Variants in PPM1H observed in about 807,000 individuals in gnomAD.
The protein encoded by PPM1H is protein phosphatase 1H.
A neutral mutation model predicts 54.9 loss-of-function variants in PPM1H; 27 were observed. The observed-to-expected ratio is 0.49, with a 90% confidence interval of 0.36 to 0.68. The LOEUF (loss-of-function observed/expected upper bound fraction) is 0.68. PPM1H is among the 30% of genes least tolerant of loss of function. The pLI, the probability that PPM1H is intolerant of heterozygous loss-of-function variation, is 0.00. For synonymous variants in PPM1H, 305 were observed against 270.8 expected, an observed-to-expected ratio of 1.13 and a Z score of -1.24; for missense variants, 596 against 667.8, an observed-to-expected ratio of 0.89 and a Z score of 1.19.
chr12:62,896,196 C>T (rs1260162793), intron 1 of PPM1H, among the ~76,000 whole-genome samples: 8 of 152,176 alleles, frequency 5.3e-5, no homozygotes, highest in Non-Finnish European at 1.2e-4. Flanking sequence ...TGGGCAAGGA[C>T]TTCATGACTA....
chr12:62,788,562 T>TAGA, intron 3 of PPM1H: 1 of 423,586 alleles, frequency 2.4e-6, no homozygotes, highest in Non-Finnish European at 4.2e-6. Flanking sequence ...CAGGAAACAA[T>TAGA]AGACAGCAAA....
intron 1 of PPM1H, among the ~76,000 whole-genome samples, chr12:62,918,737 A>G (rs558633842): frequency 1.3e-5 from 2 of 152,370 alleles, no homozygotes; most frequent in East Asian, 1.9e-4. Context: ...TGTTACAACC[A>G]TAAATAGAAT....
At chr12:62,833,665 T>C (rs1014677879) in intron 1 of PPM1H, among the ~76,000 whole-genome samples, 9 of 152,204 alleles carry the variant, frequency 5.9e-5, no homozygotes, top group African/African-American at 1.7e-4. Context: ...TGCCGCAAGA[T>C]GTAAGCGAGC....
intron 1 of PPM1H, among the ~76,000 whole-genome samples, chr12:62,847,973 T>A (rs1001744112): frequency 6.6e-6 from 1 of 152,174 alleles, no homozygotes. Context: ...TTAAAATAGA[T>A]CTCATTGTTC....
At chr12:62,875,943 T>C (rs1870153852) in intron 1 of PPM1H, among the ~76,000 whole-genome samples, 1 of 152,190 alleles carries the variant, frequency 6.6e-6, no homozygotes, top group African/African-American at 2.4e-5. Context: ...ACTGTTCTAA[T>C]AATGAGCATG....
At chr12:62,899,613 C>T (rs1871096901) in intron 1 of PPM1H, among the ~76,000 whole-genome samples, 1 of 152,126 alleles carries the variant, frequency 6.6e-6, no homozygotes, top group Non-Finnish European at 1.5e-5. Flanking sequence ...TAACTAACAG[C>T]AGAGAACCGC....
chr12:62,664,244 G>A (rs527359742), intron 9 of PPM1H, among the ~76,000 whole-genome samples: 1 of 152,184 alleles, frequency 6.6e-6, no homozygotes, highest in Admixed American at 6.5e-5. Context: ...GCAGGTCAGA[G>A]GTGAATGGAG....
chr12:62,726,526 G>A (rs1002738232), intron 5 of PPM1H, among the ~76,000 whole-genome samples: 1 of 152,130 alleles, frequency 6.6e-6, no homozygotes, highest in African/African-American at 2.4e-5. Flanking sequence ...AGACTGCTGA[G>A]AAGAGCGTTA....
At chr12:62,882,513 G>A (rs1365285797) in intron 1 of PPM1H, among the ~76,000 whole-genome samples, 1 of 152,210 alleles carries the variant, frequency 6.6e-6, no homozygotes, top group Non-Finnish European at 1.5e-5. Flanking sequence ...CAGAGCTAGA[G>A]ACTTGGATCA....
intron 6 of PPM1H, among the ~76,000 whole-genome samples, chr12:62,698,173 G>T (rs1041161196): frequency 1.3e-5 from 2 of 151,870 alleles, no homozygotes; most frequent in Non-Finnish European, 2.9e-5. Flanking sequence ...ATGCCACCAA[G>T]ACAGCTGTAC....
chr12:62,847,329 G>C (rs573994730), intron 1 of PPM1H, among the ~76,000 whole-genome samples: 2 of 152,194 alleles, frequency 1.3e-5, no homozygotes, highest in South Asian at 4.1e-4. Context: ...CCCTTGAATG[G>C]CTGTCAATTG....
At chr12:62,916,459 A>G (rs1194997756) in intron 1 of PPM1H, among the ~76,000 whole-genome samples, 2 of 152,220 alleles carry the variant, frequency 1.3e-5, no homozygotes, top group Non-Finnish European at 1.5e-5. Context: ...CTTTAAGTCT[A>G]TAAGTACCTA....
At chr12:62,928,061 A>C (rs1169668750) in intron 1 of PPM1H, among the ~76,000 whole-genome samples, 3 of 152,238 alleles carry the variant, frequency 2.0e-5, no homozygotes, top group African/African-American at 7.2e-5. Flanking sequence ...CAAATAACTT[A>C]CCTACGTTGC....
At position 62,928,277 on chromosome 12, in the gene PPM1H, A is replaced by G. The variant is rs185896145; in HGVS notation, c.245+6215T>C. Among the ~76,000 whole-genome samples the G allele has an allele frequency of 1.5e-4, 23 of 152,368 alleles. 1 individual carries two copies. Among genetic ancestry groups the G allele is most frequent in the African/African-American group, 4.8e-4 (20 of 41,592 alleles). On this transcript the variant is annotated intron_variant, in intron 1 of 9. Coordinates refer to ENST00000228705, the MANE Select transcript of PPM1H (RefSeq NM_020700.2). ...TTCTTAAGCTAATAATTTGCAAAGT[A>G]TCTACTGTAGTACCAAACTGGAAAG...
intron 1 of PPM1H, among the ~76,000 whole-genome samples, chr12:62,876,194 A>G (rs1870162080): frequency 6.6e-6 from 1 of 152,230 alleles, no homozygotes; most frequent in African/African-American, 2.4e-5. Context: ...CATGGATTTG[A>G]GATCTAAAAA....
At chr12:62,823,404 A>G (rs915593745) in intron 2 of PPM1H, among the ~76,000 whole-genome samples, 2 of 152,270 alleles carry the variant, frequency 1.3e-5, no homozygotes, top group Non-Finnish European at 2.9e-5. Context: ...TGAGGCCAGC[A>G]TCATCCTGAT....
At chr12:62,737,735 G>T (rs527718350) in intron 4 of PPM1H, 149 bp from the exon 5 acceptor site, 36 of 539,080 alleles carry the variant, frequency 6.7e-5, no homozygotes, top group African/African-American at 6.5e-4. Context: ...TCCCAGCTCT[G>T]AATCCCTCAC....
chr12:62,832,853 T>C (rs1868391779), intron 1 of PPM1H, among the ~76,000 whole-genome samples: 1 of 152,198 alleles, frequency 6.6e-6, no homozygotes. Flanking sequence ...TTTTTAACTC[T>C]TGGTCTTTTT....
intron 1 of PPM1H, among the ~76,000 whole-genome samples, chr12:62,842,038 G>T (rs755551889): frequency 1.3e-5 from 2 of 152,156 alleles, no homozygotes; most frequent in Non-Finnish European, 2.9e-5. Context: ...AAGGAAGTCT[G>T]TGCTCTGTCA....
Sources: gnomAD v4.1 joint callset for allele counts (sites outside exome capture counted in the v4.1 genomes callset) on GRCh38, gnomAD v4.1.1 for gene constraint, MANE v1.5 for transcripts, NCBI Gene and HGNC (gene_info 2026-07-23, HGNC 2026-07-21) for gene names.